Variants in CACNB2 observed in about 807,000 individuals in gnomAD.
CACNB2 encodes voltage-dependent L-type calcium channel subunit beta-2.
A neutral mutation model predicts 73.3 loss-of-function variants in CACNB2; 42 were observed. The ratio of observed to expected loss-of-function variants is 0.57; its 90% CI spans 0.45 to 0.74. The LOEUF is 0.74. Ranked by LOEUF, CACNB2 falls within the 30% of genes least tolerant of loss-of-function variation. The pLI, the probability that CACNB2 is intolerant of heterozygous loss-of-function variation, is 0.00. For synonymous variants in CACNB2, 348 were observed against 310.3 expected (o/e 1.12, Z -1.28); for missense variants, 940 against 853.0 (o/e 1.10, Z -1.27).
intron 3 of CACNB2, among the ~76,000 whole-genome samples, chr10:18,468,005 C>T (rs1337480838): frequency 6.6e-6 from 1 of 152,124 alleles, no homozygotes; most frequent in East Asian, 1.9e-4. Flanking sequence ...AATGAATTCA[C>T]AATGTATGAC....
At chr10:18,515,562 T>C (rs960717133) in intron 7 of CACNB2, among the ~76,000 whole-genome samples, 20 of 152,242 alleles carry the variant, frequency 1.3e-4, no homozygotes, top group African/African-American at 4.6e-4. Flanking sequence ...GATACAGAAC[T>C]GTAAAGTTGG....
intron 7 of CACNB2, 79 bp downstream of exon 7, chr10:18,514,448 C>T (rs1240596786): frequency 2.5e-6 from 4 of 1,613,310 alleles, no homozygotes; most frequent in Middle Eastern, 1.7e-4. Flanking sequence ...TGACTGTCTG[C>T]GTCCTTTGAT....
intron 2 of CACNB2, among the ~76,000 whole-genome samples, chr10:18,369,771 G>A (rs1320543803): frequency 6.6e-6 from 1 of 152,224 alleles, no homozygotes; most frequent in East Asian, 1.9e-4. Flanking sequence ...GCCAGGCGTG[G>A]TGGCACATAC....
At chr10:18,247,958 A>T (rs1027219593) in intron 2 of CACNB2, among the ~76,000 whole-genome samples, 17 of 152,186 alleles carry the variant, frequency 1.1e-4, no homozygotes, top group African/African-American at 4.1e-4. Context: ...ATATGGTGGA[A>T]GGGGCAGTGG....
At chr10:18,529,040 C>G (rs1298111754) in intron 10 of CACNB2, among the ~76,000 whole-genome samples, 3 of 152,128 alleles carry the variant, frequency 2.0e-5, no homozygotes, top group African/African-American at 7.2e-5. Flanking sequence ...CTATGTTGCC[C>G]ACGCTGGTCT....
chr10:18,413,748 A>T (rs1008554878), intron 3 of CACNB2, among the ~76,000 whole-genome samples: 1 of 152,222 alleles, frequency 6.6e-6, no homozygotes, highest in South Asian at 2.1e-4. Flanking sequence ...TTACAGGTGA[A>T]GCTAAGTTTT....
intron 2 of CACNB2, among the ~76,000 whole-genome samples, chr10:18,216,993 G>T (rs929559474): frequency 6.6e-6 from 1 of 152,094 alleles, no homozygotes; most frequent in Non-Finnish European, 1.5e-5. Context: ...TCCTTTCTAG[G>T]ATATAAATAG....
rs546609110 is a variant in CACNB2 at position 18,290,798 on chromosome 10, G to C, written c.214-111126G>C. Among the ~76,000 whole-genome samples, 3 of 152,292 alleles carry C rather than the reference G, an allele frequency of 2.0e-5. No individual in the cohort carries two copies. In the South Asian group the frequency reaches 6.2e-4, roughly 32 times the overall value. ...AGGCAGAGGTCCGCCTGTATAATCC[G>C]ATTTCATCAACTCACACTAATCACT... On this transcript the variant is annotated intron_variant, in intron 2 of 13. Coordinates refer to ENST00000324631, the MANE Select transcript of CACNB2 (RefSeq NM_201596.3).
chr10:18,183,286 C>G (rs1265805616), intron 2 of CACNB2, among the ~76,000 whole-genome samples: 1 of 152,078 alleles, frequency 6.6e-6, no homozygotes, highest in Non-Finnish European at 1.5e-5. Flanking sequence ...GCTTTTCTGC[C>G]TCTGTAACAT....
At chr10:18,359,427 A>G (rs1321041964) in intron 2 of CACNB2, among the ~76,000 whole-genome samples, 1 of 151,970 alleles carries the variant, frequency 6.6e-6, no homozygotes, top group African/African-American at 2.4e-5. Flanking sequence ...GTGTGCCACC[A>G]TGCCCGGCTA....
chr10:18,150,855 C>CTTTTTTTTGTTTTT, intron 1 of CACNB2, 28 bp from the exon 2 acceptor site: 1 of 483,392 alleles, frequency 2.1e-6, no homozygotes, highest in South Asian at 2.7e-5. Flanking sequence ...TCTTATTTGT[C>CTTTTTTTTGTTTTT]TTTTTTTTTT....
At position 18,514,515 on chromosome 10, in the gene CACNB2, G is replaced by T. The variant is rs199539261; in HGVS notation, c.804+146G>T. The T allele has an allele frequency of 6.0e-4, 965 of 1,613,838 alleles. No individual in the cohort carries two copies. The highest frequency in any genetic ancestry group is 7.6e-4 in the Non-Finnish European group (902 of 1,179,962). On this transcript the variant is annotated intron_variant, in intron 7 of 13. Transcript: ENST00000324631. ...TTCTTTTCCATGCTGCTGTAGCTAA[G>T]CAGAAGCAGAAATCGGTAAGTTTAC...
At chr10:18,397,938 G>T (rs1285365505) in intron 2 of CACNB2, among the ~76,000 whole-genome samples, 1 of 152,104 alleles carries the variant, frequency 6.6e-6, no homozygotes, top group Non-Finnish European at 1.5e-5. Context: ...TTAAGATGTA[G>T]AAAAGGAAAT....
Position 18,491,819 on chromosome 10 carries a change from T to TAAAAAAAA in CACNB2, c.334-6515_334-6508dup, listed in dbSNP as rs68179779. Among the ~76,000 whole-genome samples, 14 of 65,596 alleles carry TAAAAAAAA rather than the reference T, an allele frequency of 2.1e-4. 1 individual carries two copies. Among genetic ancestry groups the TAAAAAAAA allele is most frequent in the East Asian group, 6.3e-4 (1 of 1,582 alleles). The allele number at this position is 65,596 out of a possible 152,430, so 43.0% of individuals were successfully genotyped here. A position where few individuals can be genotyped will look rare whatever the true frequency, so the allele number is the denominator to read the frequency against. On this transcript the variant is annotated intron_variant, in intron 3 of 13. Coordinates refer to ENST00000324631, the MANE Select transcript of CACNB2 (RefSeq NM_201596.3). ...TATTCCCTTGGAACTTCAAGTTGGT[T>TAAAAAAAA]AAAAAAAAAAAAAAAAAAAAAAAAA...
chr10:18,261,673 T>C (rs1315918716), intron 2 of CACNB2, among the ~76,000 whole-genome samples: 1 of 152,056 alleles, frequency 6.6e-6, no homozygotes, highest in African/African-American at 2.4e-5. Flanking sequence ...AATGATGGGA[T>C]GGTGGGGGGA....
chr10:18,409,247 G>A (rs1226269690), intron 3 of CACNB2, among the ~76,000 whole-genome samples: 7 of 151,064 alleles, frequency 4.6e-5, no homozygotes, highest in African/African-American at 9.7e-5. Flanking sequence ...GCAGTGAGCC[G>A]AGGTCGTGCC....
At chr10:18,233,544 G>T (rs117995118) in intron 2 of CACNB2, among the ~76,000 whole-genome samples, 1 of 152,054 alleles carries the variant, frequency 6.6e-6, no homozygotes, top group East Asian at 1.9e-4. Flanking sequence ...ACTAGGTACT[G>T]CGCTGAGAAT....
rs537779223 is a variant in CACNB2, at chr10:18,421,952, C to T, written c.333+19909C>T. ...TTAGCTGTAGTGTTTAGTCTAGTGT[C>T]GAAGCAGAGGTTGGGCAAATATACA... On this transcript the variant is annotated intron_variant, in intron 3 of 13. Transcript: ENST00000324631. Among the ~76,000 whole-genome samples, 11 of 152,224 alleles carry T rather than the reference C, an allele frequency of 7.2e-5. No individual in the cohort carries two copies. The South Asian group carries it at 2.1e-3, about 29-fold the overall frequency.
At chr10:18,174,059 C>A (rs1315038862) in intron 2 of CACNB2, among the ~76,000 whole-genome samples, 2 of 152,128 alleles carry the variant, frequency 1.3e-5, no homozygotes, top group African/African-American at 4.8e-5. Context: ...AGACTGTTCT[C>A]TAATATTTCC....
Sources: allele counts gnomAD v4.1 joint callset (sites outside exome capture counted in the v4.1 genomes callset), GRCh38; gene constraint gnomAD v4.1.1; transcripts MANE v1.5; gene names NCBI Gene and HGNC (gene_info 2026-07-23, HGNC 2026-07-21).